XPO6: variants seen among roughly 807,000 people sequenced by gnomAD.
XPO6 encodes the protein exportin-6.
Under a neutral mutation model 130.0 loss-of-function variants are expected in XPO6, and 3 were observed. The observed-to-expected ratio is 0.02, with a 90% CI of 0.01 to 0.06. The LOEUF (loss-of-function observed/expected upper bound fraction) is 0.06. Among genes scored for constraint, XPO6 ranks in the 10% least tolerant of loss-of-function variants. The pLI is 1.00. For synonymous variants in XPO6, 524 were observed against 548.9 expected, an observed-to-expected ratio of 0.95 and a Z score of 0.63; for missense variants, 970 against 1,393.0, an observed-to-expected ratio of 0.70 and a Z score of 4.83.
rs955638643 is a variant in XPO6 at position 28,172,573 on chromosome 16, C to T, written c.406-2664G>A. On this transcript the variant is annotated intron_variant, in intron 4 of 23. Transcript: ENST00000304658. ...ATATGCAGGCAGGTGGGAAGGAAAG[C>T]GGTCGGTTTCAATTTCGATTACTTC... is the stretch of plus-strand genomic sequence containing the variant. Among the ~76,000 whole-genome samples the T allele has an allele frequency of 3.9e-5, 6 of 152,014 alleles. No homozygotes were observed. The East Asian group carries it at 5.8e-4, about 15-fold the overall frequency.
chr16:28,204,582 A>G (rs2044000050), intron 1 of XPO6, among the ~76,000 whole-genome samples: 1 of 152,130 alleles, frequency 6.6e-6, no homozygotes, highest in Admixed American at 6.5e-5. Flanking sequence ...ACCAGCTTGG[A>G]TGTCAAGCAG....
At chr16:28,145,039 C>CT (rs981660652) in intron 9 of XPO6, among the ~76,000 whole-genome samples, 8 of 152,180 alleles carry the variant, frequency 5.3e-5, no homozygotes, top group Admixed American at 2.6e-4. Context: ...TATAACCAAA[C>CT]TGAGTAAAAT....
intron 4 of XPO6, 76 bp downstream of exon 4, chr16:28,175,822 C>T: frequency 7.2e-7 from 1 of 1,383,264 alleles, no homozygotes; most frequent in Non-Finnish European, 1.0e-6. Context: ...CTTAAAAGTC[C>T]TCTTCAGGAC....
chr16:28,204,828 G>C (rs942412946), intron 1 of XPO6, among the ~76,000 whole-genome samples: 3 of 152,232 alleles, frequency 2.0e-5, no homozygotes, highest in Non-Finnish European at 4.4e-5. Flanking sequence ...GATCCAGTAA[G>C]ATAGGGACTG....
At chr16:28,113,611 G>C (rs373444121) in intron 15 of XPO6, among the ~76,000 whole-genome samples, 6 of 152,158 alleles carry the variant, frequency 3.9e-5, no homozygotes, top group African/African-American at 1.2e-4. Context: ...ACACCAAAAA[G>C]TCAAGGCAGG....
At position 28,181,048 on chromosome 16, in the gene XPO6, A is replaced by G. The variant is rs756271573; in HGVS notation, c.4-17T>C. ...TTCAGATGCCTAACAAAGGAATTTG[A>G]AAAAAAATCAATAAGCTGCATCTTC... On this transcript the variant is annotated splice_polypyrimidine_tract_variant and intron_variant, in intron 1 of 23. Coordinates refer to ENST00000304658, the MANE Select transcript of XPO6 (RefSeq NM_015171.4). The G allele has an allele frequency of 5.1e-6, 8 of 1,581,818 alleles. No individual in the cohort carries two copies. The highest frequency in any genetic ancestry group is 6.9e-6 in the Non-Finnish European group (8 of 1,156,946).
At chr16:28,138,913 A>G (rs2042832360) in intron 9 of XPO6, among the ~76,000 whole-genome samples, 1 of 152,180 alleles carries the variant, frequency 6.6e-6, no homozygotes, top group Non-Finnish European at 1.5e-5. Flanking sequence ...AAGAGACACA[A>G]CTTCTCAAGG....
chr16:28,183,595 C>G (rs1441428336), intron 1 of XPO6, among the ~76,000 whole-genome samples: 1 of 152,106 alleles, frequency 6.6e-6, no homozygotes, highest in African/African-American at 2.4e-5. Flanking sequence ...ACAACAATAC[C>G]TGCCTCACAG....
intron 1 of XPO6, among the ~76,000 whole-genome samples, chr16:28,187,587 T>C (rs769095011): frequency 6.6e-6 from 1 of 151,156 alleles, no homozygotes; most frequent in African/African-American, 2.4e-5. Context: ...GTAAACACAA[T>C]GTCAGGCATG....
intron 17 of XPO6, among the ~76,000 whole-genome samples, chr16:28,109,306 T>C (rs372069981): frequency 1.3e-5 from 2 of 151,706 alleles, no homozygotes; most frequent in African/African-American, 2.4e-5. Context: ...CTTTTCTTTT[T>C]TTTTTTTTTG....
In XPO6 at chr16:28,203,171, A is replaced by C. The variant is rs181380258; in HGVS notation, c.3+8195T>G. 3.2e-3 allele frequency among the ~76,000 whole-genome samples: 479 copies of C among 151,944 alleles called. 5 individuals carry two copies. The highest frequency in any genetic ancestry group is 0.011 in the African/African-American group (465 of 41,436). On this transcript the variant is annotated intron_variant, in intron 1 of 23. Coordinates refer to ENST00000304658, the MANE Select transcript of XPO6 (RefSeq NM_015171.4). ...ATACGTATAGTTCCAGCTACTCAGG[A>C]GGCTGAGGTGGGAGGATCGCGTGAG...
At chr16:28,171,658 C>T (rs1007304461) in intron 4 of XPO6, among the ~76,000 whole-genome samples, 3 of 152,058 alleles carry the variant, frequency 2.0e-5, no homozygotes, top group Non-Finnish European at 2.9e-5. Flanking sequence ...GTTTAAAATG[C>T]TCTCTATAAA....
chr16:28,198,583 T>A (rs1262570924), intron 1 of XPO6, among the ~76,000 whole-genome samples: 13 of 149,678 alleles, frequency 8.7e-5, no homozygotes, highest in Non-Finnish European at 1.8e-4. Flanking sequence ...GCAGGAGGAC[T>A]GCTCGAGCCC....
chr16:28,168,213 A>C (rs556692065), intron 5 of XPO6, among the ~76,000 whole-genome samples: 2 of 152,330 alleles, frequency 1.3e-5, no homozygotes, highest in East Asian at 3.9e-4. Context: ...GACCAGGCAC[A>C]GTGGCTCATG....
intron 1 of XPO6, among the ~76,000 whole-genome samples, chr16:28,209,559 G>C (rs1026619108): frequency 1.4e-5 from 2 of 147,630 alleles, no homozygotes; most frequent in Admixed American, 1.4e-4. Context: ...AGAATCACTT[G>C]AACCCGGGAG....
intron 8 of XPO6, 66 bp from the exon 9 acceptor site, chr16:28,146,269 A>G (rs2042981062): frequency 8.7e-7 from 1 of 1,147,030 alleles, no homozygotes; most frequent in South Asian, 1.2e-5. Flanking sequence ...AAACACACAC[A>G]TGCCAGTGTT....
At position 28,134,000 on chromosome 16, in the gene XPO6, C is replaced by T. The variant is rs946408514; in HGVS notation, c.1444-67G>A. Reference sequence around the variant, plus strand: ...CTCATCTTCCTTGCCAACCTCAAGACCACTCTCAGACATAAAATTTTGAAG... The same window carrying T: ...CTCATCTTCCTTGCCAACCTCAAGATCACTCTCAGACATAAAATTTTGAAG... On this transcript the variant is annotated intron_variant, in intron 10 of 23. Coordinates refer to ENST00000304658, the MANE Select transcript of XPO6 (RefSeq NM_015171.4). The T allele has an allele frequency of 6.0e-6, 9 of 1,493,518 alleles. No homozygotes were observed. The African/African-American group carries it at 1.1e-4, about 18-fold the overall frequency. The allele number at this position is 1,493,518 out of a possible 1,614,324, so 92.5% of individuals were successfully genotyped here.
intron 8 of XPO6, among the ~76,000 whole-genome samples, chr16:28,150,800 T>C (rs1469152823): frequency 2.6e-5 from 4 of 152,082 alleles, no homozygotes; most frequent in African/African-American, 4.8e-5. Context: ...AATCCTCTTT[T>C]TTCATGGTCT....
rs2042949778 is a variant in XPO6 at position 28,144,513 on chromosome 16, C to T, written c.1334+1581G>A. On this transcript the variant is annotated intron_variant, in intron 9 of 23. Transcript: ENST00000304658. ...ACAGTTCTGAACTCCTGAGCTCCAG[C>T]GATTCTTCTGCCTCAGCCTCCCATG... Among the ~76,000 whole-genome samples, 3 of 152,128 alleles carry T rather than the reference C, an allele frequency of 2.0e-5. 1 individual carries two copies. Among genetic ancestry groups the T allele is most frequent in the Admixed American group, 6.5e-5 (1 of 15,272 alleles).
Sources: allele counts gnomAD v4.1 joint callset (sites outside exome capture counted in the v4.1 genomes callset), GRCh38; gene constraint gnomAD v4.1.1; transcripts MANE v1.5; gene names NCBI Gene and HGNC (gene_info 2026-07-23, HGNC 2026-07-21).